The following VPS8 variants were observed in gnomAD, a reference collection of about 807,000 sequenced individuals.
VPS8 encodes the protein vacuolar protein sorting-associated protein 8 homolog.
A neutral mutation model predicts 216.4 loss-of-function variants in VPS8; 129 were observed. That is an observed-to-expected ratio of 0.60 (90% confidence interval 0.52 to 0.69). VPS8 has a LOEUF of 0.69. Among genes scored for constraint, VPS8 ranks in the 30% least tolerant of loss-of-function variants. The pLI, the probability that VPS8 is intolerant of heterozygous loss-of-function variation, is 0.00. For synonymous variants in VPS8, 571 were observed against 565.4 expected (o/e 1.01, Z -0.14); for missense variants, 1,531 against 1,683.5 (o/e 0.91, Z 1.59).
At chr3:185,027,715 C>G (rs371071933) in intron 46 of VPS8, among the ~76,000 whole-genome samples, 2 of 152,104 alleles carry the variant, frequency 1.3e-5, no homozygotes, top group East Asian at 3.8e-4. Context: ...TGAGTAATGT[C>G]CCAGCTCTTT....
At chr3:184,848,651 C>T (rs1723640581) in intron 8 of VPS8, among the ~76,000 whole-genome samples, 1 of 149,140 alleles carries the variant, frequency 6.7e-6, no homozygotes, top group Non-Finnish European at 1.5e-5. Flanking sequence ...TGACTGCAAC[C>T]TCTGCCTCCC....
chr3:185,043,271 C>CTAATTT (rs1712094058), intron 46 of VPS8, among the ~76,000 whole-genome samples: 1 of 152,208 alleles, frequency 6.6e-6, no homozygotes, highest in Non-Finnish European at 1.5e-5. Flanking sequence ...TCAGTTTCCT[C>CTAATTT]ACAGGTAAAT....
chr3:184,896,237 T>C (rs1031763310), intron 23 of VPS8, among the ~76,000 whole-genome samples: 3 of 152,160 alleles, frequency 2.0e-5, no homozygotes, highest in South Asian at 2.1e-4. Flanking sequence ...TCTGATGACT[T>C]GAGAGCATGT....
chr3:184,858,487 A>G (rs79152715), intron 14 of VPS8, among the ~76,000 whole-genome samples: 1,745 of 152,312 alleles, frequency 0.011, 41 homozygotes, highest in African/African-American at 0.04. Flanking sequence ...TCACATTATT[A>G]ACTAAAGAGA....
Position 184,982,567 on chromosome 3 carries a change from C to T in VPS8, c.3422C>T (p.Ala1141Val), listed in dbSNP as rs1396037165. The change falls in exon 41 of 48, where the codon GCA becomes GTA. Residue 1141 changes from alanine (A) to valine (V), a missense_variant and splice_region_variant. Transcript: ENST00000625842. ...SHNLNQQQRE[A>V]LWFPLLEAMM... The stretch of plus-strand genomic sequence containing the variant: ...CTTTGATTTTCTCTGACATTATAGG[C>T]ACTTTGGTTTCCGTTATTGGAGGCA... The T allele has an allele frequency of 6.2e-7, 1 of 1,610,664 alleles. No homozygotes were observed. The highest frequency in any genetic ancestry group is 1.3e-5 in the African/African-American group (1 of 74,724).
At chr3:184,940,445 T>C (rs1479587485) in intron 36 of VPS8, among the ~76,000 whole-genome samples, 1 of 152,192 alleles carries the variant, frequency 6.6e-6, no homozygotes, top group South Asian at 2.1e-4. Flanking sequence ...AATACTTTTC[T>C]TTCCATTTGA....
intron 46 of VPS8, among the ~76,000 whole-genome samples, chr3:185,047,076 A>C (rs1713090175): frequency 6.6e-6 from 1 of 152,156 alleles, no homozygotes; most frequent in African/African-American, 2.4e-5. Flanking sequence ...CCTCTCCTGC[A>C]CATCCCCCAA....
At chr3:184,915,722 T>TTGCTTGAGCCTGGGAGCCG (rs1737435826) in intron 28 of VPS8, among the ~76,000 whole-genome samples, 1 of 152,152 alleles carries the variant, frequency 6.6e-6, no homozygotes, top group African/African-American at 2.4e-5. Flanking sequence ...GGCAGGAGAA[T>TTGCTTGAGCCTGGGAGCCG]TGCTTGAGCC....
At chr3:185,023,435 C>T (rs1172722472) in intron 45 of VPS8, among the ~76,000 whole-genome samples, 1 of 152,068 alleles carries the variant, frequency 6.6e-6, no homozygotes, top group Admixed American at 6.6e-5. Context: ...CAGCTCATGC[C>T]TGTAATCCCA....
At chr3:184,839,872 G>T in intron 7 of VPS8, 120 bp downstream of exon 7, 1 of 1,435,734 alleles carries the variant, frequency 7.0e-7, no homozygotes, top group South Asian at 1.5e-5. Flanking sequence ...AGAAAAACTT[G>T]AAAAGTAGCA....
chr3:184,926,563 A>G lies in VPS8; in HGVS notation c.2575-31A>G, dbSNP rs773887904. On this transcript the variant is annotated intron_variant, in intron 30 of 47. Transcript: ENST00000625842. ...AGAGTATTAATGTCTAGATGCTGAT[A>G]TCAAATAAAAAATACTTTTTCTTCG... The G allele has an allele frequency of 3.7e-5, 58 of 1,557,972 alleles. 1 individual carries two copies. The South Asian group carries it at 6.6e-4, about 18-fold the overall frequency.
Position 185,050,123 on chromosome 3 carries a change from A to AAT in VPS8, c.4137+1564_4137+1565insAT, listed in dbSNP as rs1553916150. Among the ~76,000 whole-genome samples, 1,364 of 139,380 alleles carry AAT rather than the reference A, an allele frequency of 9.8e-3. 25 individuals are homozygous for AAT. The highest frequency in any genetic ancestry group is 0.078 in the East Asian group (368 of 4,744). 91.4% of individuals were successfully genotyped at this position (139,380 alleles called of 152,430 possible). ...AAAATATCTGTTTTCCTGGGAAATA[A>AAT]TTTTTTTTTTTTTTTTTTGCAATTG... On this transcript the variant is annotated intron_variant, in intron 47 of 47. Coordinates refer to ENST00000625842, the MANE Select transcript of VPS8 (RefSeq NM_001009921.3).
chr3:184,929,750 C>T (rs941950115), intron 33 of VPS8, 86 bp downstream of exon 33: 39 of 782,178 alleles, frequency 5.0e-5, no homozygotes, highest in Non-Finnish European at 5.7e-5. Flanking sequence ...GAAATATTTG[C>T]GCATGTGTAT....
At chr3:184,832,066 G>A (rs1244741263) in intron 3 of VPS8, among the ~76,000 whole-genome samples, 1 of 152,126 alleles carries the variant, frequency 6.6e-6, no homozygotes, top group Non-Finnish European at 1.5e-5. Flanking sequence ...AGATAGACAT[G>A]GGCCCTGCTG....
chr3:184,919,473 CTG>C (rs1408592067), intron 28 of VPS8, among the ~76,000 whole-genome samples: 1 of 152,070 alleles, frequency 6.6e-6, no homozygotes, highest in Non-Finnish European at 1.5e-5. Context: ...TTGTGACACG[CTG>C]TTACATATAC....
chr3:184,845,383 C>T (rs1722924831), intron 8 of VPS8, among the ~76,000 whole-genome samples: 1 of 152,130 alleles, frequency 6.6e-6, no homozygotes, highest in Admixed American at 6.5e-5. Flanking sequence ...TTTCTTCTTT[C>T]CACAGAAATT....
At chr3:184,904,799 A>C (rs1735192937) in intron 25 of VPS8, among the ~76,000 whole-genome samples, 1 of 152,172 alleles carries the variant, frequency 6.6e-6, no homozygotes, top group African/African-American at 2.4e-5. Context: ...TTAATGTTTG[A>C]CAGAATTCAC....
chr3:184,983,207 A>T, intron 42 of VPS8, 113 bp downstream of exon 42: 9 of 869,628 alleles, frequency 1.0e-5, no homozygotes, highest in Non-Finnish European at 1.5e-5. Flanking sequence ...AATGCAGCTA[A>T]TTTTTGGCAA....
At chr3:185,042,579 A>G (rs1195026262) in intron 46 of VPS8, among the ~76,000 whole-genome samples, 1 of 152,074 alleles carries the variant, frequency 6.6e-6, no homozygotes, top group Non-Finnish European at 1.5e-5. Context: ...ACTCAGGAAA[A>G]TACCTCCGTT....
Sources: gnomAD v4.1 joint callset for allele counts (sites outside exome capture counted in the v4.1 genomes callset) on GRCh38, gnomAD v4.1.1 for gene constraint, MANE v1.5 for transcripts, NCBI Gene and HGNC (gene_info 2026-07-23, HGNC 2026-07-21) for gene names.